SUCO: variants seen among roughly 807,000 people sequenced by gnomAD.
The protein encoded by SUCO is SUN domain containing ossification factor.
In SUCO, 57 loss-of-function variants were observed where a neutral mutation model predicts 148.1. The ratio of observed to expected loss-of-function variants is 0.38; its 90% CI spans 0.31 to 0.48. SUCO has a LOEUF of 0.48. Among genes scored for constraint, SUCO ranks in the 20% least tolerant of loss-of-function variants. The pLI, the probability that SUCO is intolerant of heterozygous loss-of-function variation, is 0.96. For synonymous variants in SUCO, 470 were observed against 502.7 expected, an observed-to-expected ratio of 0.93 and a Z score of 0.87; for missense variants, 1,331 against 1,468.2, an observed-to-expected ratio of 0.91 and a Z score of 1.53.
chr1:172,599,987 T>A (rs1431749229), intron 19 of SUCO, 77 bp from the exon 20 acceptor site: 6 of 981,632 alleles, frequency 6.1e-6, no homozygotes, highest in Middle Eastern at 2.2e-4. Flanking sequence ...TGGTTTTTTT[T>A]AGATTATTTG....
chr1:172,567,845 A>C (rs901023024), intron 6 of SUCO, among the ~76,000 whole-genome samples: 1 of 152,186 alleles, frequency 6.6e-6, no homozygotes, highest in Non-Finnish European at 1.5e-5. Context: ...AGACTATCAC[A>C]CTTTAAACTC....
At chr1:172,576,848 TTC>T (rs917670056) in intron 11 of SUCO, 1 of 804,940 alleles carries the variant, frequency 1.2e-6, no homozygotes, top group Non-Finnish European at 1.5e-6. Flanking sequence ...AAAAATTACT[TTC>T]TGATTTTCAT....
At chr1:172,597,252 C>T (rs916478253) in intron 19 of SUCO, among the ~76,000 whole-genome samples, 3 of 152,224 alleles carry the variant, frequency 2.0e-5, no homozygotes, top group Admixed American at 6.5e-5. Context: ...GGCGGTGCCC[C>T]GCCCTGCTTT....
intron 15 of SUCO, among the ~76,000 whole-genome samples, chr1:172,584,057 A>G (rs1656067235): frequency 6.6e-6 from 1 of 152,216 alleles, no homozygotes; most frequent in Non-Finnish European, 1.5e-5. Flanking sequence ...TCCCCAGCCA[A>G]TTAACTAAAG....
Position 172,601,764 on chromosome 1 carries a change from GACAA to G in SUCO, c.3019-294_3019-291del, listed in dbSNP as rs144946113. Among the ~76,000 whole-genome samples the G allele has an allele frequency of 3.6e-3, 546 of 152,232 alleles. 3 individuals are homozygous for G. Among genetic ancestry groups the G allele is most frequent in the African/African-American group, 0.011 (477 of 41,550 alleles). On this transcript the variant is annotated intron_variant, in intron 20 of 23. Coordinates refer to ENST00000263688, the MANE Select transcript of SUCO (RefSeq NM_014283.5). ...GAGGAGGAGATAGTGTAAATGGAAA[GACAA>G]ACAAAATGTGACAAAATGTTAACAA...
At chr1:172,537,914 A>G (rs113346597) in intron 1 of SUCO, among the ~76,000 whole-genome samples, 10,658 of 152,204 alleles carry the variant, frequency 0.07, 423 homozygotes, top group Middle Eastern at 0.19. Context: ...CATCCATAAA[A>G]TGGTCTGCAG....
chr1:172,557,304 T>C lies in SUCO; in HGVS notation c.468T>C (p.Ile156=). The change falls in exon 5 of 24, where the codon ATT becomes ATC. Residue 156 remains isoleucine, a synonymous_variant. Coordinates refer to ENST00000263688, the MANE Select transcript of SUCO (RefSeq NM_014283.5). ...GTGAAATAGAAAAATCTGGTACTAT[T>C]CCGATAGCCAAACCAAGTGAAACTG... ...KLDEIEKSGT[I]PIAKPSETEQ... is the part of the protein sequence containing the mutation. The C allele has an allele frequency of 6.2e-7, 1 of 1,613,896 alleles. No homozygotes were observed. Among genetic ancestry groups the C allele is most frequent in the East Asian group, 2.2e-5 (1 of 44,868 alleles).
At chr1:172,568,312 C>CCCCCCCA in intron 6 of SUCO, 3 of 920,598 alleles carry the variant, frequency 3.3e-6, no homozygotes, top group South Asian at 5.0e-5. Flanking sequence ...GCTTCCCACC[C>CCCCCCCA]ACCCCATCCC....
At chr1:172,597,002 C>G (rs1400024641) in intron 19 of SUCO, among the ~76,000 whole-genome samples, 1 of 152,244 alleles carries the variant, frequency 6.6e-6, no homozygotes, top group South Asian at 2.1e-4. Flanking sequence ...TGCCCCTCCC[C>G]TAGCCTCACT....
chr1:172,560,016 G>T (rs1401089463), intron 6 of SUCO, among the ~76,000 whole-genome samples: 4 of 152,184 alleles, frequency 2.6e-5, no homozygotes, highest in Admixed American at 2.6e-4. Context: ...TCCATCTTCT[G>T]TAACTGCTTC....
Position 172,533,343 on chromosome 1 carries a change from G to T in SUCO, c.-93G>T. 2 of 1,551,564 alleles carry T rather than the reference G, an allele frequency of 1.3e-6. No homozygotes were observed. Among genetic ancestry groups the T allele is most frequent in the Non-Finnish European group, 1.7e-6 (2 of 1,146,962 alleles). ...CCTTAGGACTATCGGTCACATTCTC[G>T]CGCTCCTGCTCCGGCTCCTCCATCT... On this transcript the variant is annotated 5_prime_UTR_variant, in exon 1 of 24. Transcript: ENST00000263688.
chr1:172,602,038 A>G (rs757217466), intron 20 of SUCO, 26 bp from the exon 21 acceptor site: 10 of 1,561,732 alleles, frequency 6.4e-6, no homozygotes, highest in East Asian at 2.3e-5. Context: ...TCCTATGATT[A>G]TTATTTAACC....
chr1:172,560,206 T>G (rs1654050842), intron 6 of SUCO, among the ~76,000 whole-genome samples: 3 of 152,130 alleles, frequency 2.0e-5, no homozygotes, highest in Admixed American at 2.0e-4. Context: ...GACCAAAAAT[T>G]AGTAACAAGA....
chr1:172,586,780 T>C (rs1656274901), intron 17 of SUCO, among the ~76,000 whole-genome samples: 1 of 152,182 alleles, frequency 6.6e-6, no homozygotes, highest in Admixed American at 6.5e-5. Context: ...CTGAGAACTA[T>C]ACTATTTCAA....
At chr1:172,564,902 A>AT (rs1014157994) in intron 6 of SUCO, among the ~76,000 whole-genome samples, 3 of 152,188 alleles carry the variant, frequency 2.0e-5, no homozygotes, top group African/African-American at 7.2e-5. Flanking sequence ...TAAACAAAAC[A>AT]TTTTTTCCCA....
At chr1:172,590,605 T>C (rs1426030021) in intron 18 of SUCO, among the ~76,000 whole-genome samples, 2 of 152,134 alleles carry the variant, frequency 1.3e-5, no homozygotes, top group African/African-American at 4.8e-5. Flanking sequence ...CCACCTTTTC[T>C]TACATCTCTT....
At chr1:172,580,752 T>C (rs73034041) in intron 15 of SUCO, among the ~76,000 whole-genome samples, 8,500 of 152,220 alleles carry the variant, frequency 0.056, 744 homozygotes, top group African/African-American at 0.19. Flanking sequence ...AGTGTGTTGA[T>C]ATTCTGGATT....
At chr1:172,600,968 A>T (rs1232029970) in intron 20 of SUCO, among the ~76,000 whole-genome samples, 7 of 152,190 alleles carry the variant, frequency 4.6e-5, no homozygotes, top group African/African-American at 1.7e-4. Flanking sequence ...GAGAAAAGTG[A>T]AGCTGAGAAA....
chr1:172,561,329 G>T (rs1417318223), intron 6 of SUCO, among the ~76,000 whole-genome samples: 1 of 152,156 alleles, frequency 6.6e-6, no homozygotes, highest in Non-Finnish European at 1.5e-5. Context: ...TAAGGGTTTG[G>T]GTATTTCAGG....
Sources: gnomAD v4.1 joint callset for allele counts (sites outside exome capture counted in the v4.1 genomes callset) on GRCh38, gnomAD v4.1.1 for gene constraint, MANE v1.5 for transcripts, NCBI Gene and HGNC (gene_info 2026-07-23, HGNC 2026-07-21) for gene names.